ERCC5: variants seen among roughly 807,000 people sequenced by gnomAD.
The protein encoded by ERCC5 is ERCC excision repair 5, endonuclease, also known as DNA excision repair protein ERCC-5.
A neutral mutation model predicts 105.6 loss-of-function variants in ERCC5; 68 were observed. That is an observed-to-expected ratio of 0.64 (90% confidence interval 0.53 to 0.79). The LOEUF (loss-of-function observed/expected upper bound fraction) is 0.79, where lower values mean the gene tolerates loss of function less well. Ranked by LOEUF, ERCC5 falls within the 30% of genes least tolerant of loss-of-function variation. The pLI, the probability that ERCC5 is intolerant of heterozygous loss-of-function variation, is 0.00. For missense variants in ERCC5, 1,373 were observed against 1,426.7 expected, an observed-to-expected ratio of 0.96 and a Z score of 0.61; for synonymous variants, 546 against 526.2, an observed-to-expected ratio of 1.04 and a Z score of -0.51.
Position 102,865,497 on chromosome 13 carries a change from T to C in ERCC5, c.1955-170T>C, listed in dbSNP as rs1262203929. 3.2e-6 allele frequency: 3 copies of C among 928,840 alleles called. No individual in the cohort carries two copies. In the African/African-American group the frequency reaches 5.0e-5, roughly 15 times the overall value. 57.5% of individuals were successfully genotyped at this position (928,840 alleles called of 1,614,324 possible). A position where few individuals can be genotyped will look rare whatever the true frequency, so the allele number is the denominator to read the frequency against. ...CTTGTTTTGAAGTTACAGGCATTTG[T>C]GATTACATTTATTTATTAATAACGC... On this transcript the variant is annotated intron_variant, in intron 8 of 14. Transcript: ENST00000652225. This position sits in a 1 kb window ranked among gnomAD's most constrained non-coding sequence, Gnocchi z 4.0.
In ERCC5 at chr13:102,863,051, T is replaced by C. The variant is rs1875006098; in HGVS notation, c.1902T>C (p.Ile634=). ...TESAGQDLIS[I]PKAVEPMEID... is the part of the protein sequence containing the mutation. ...CTGCAGGCCAGGATTTAATTTCCAT[T>C]CCAAAGGCCGTGGAACCAATGGAAA... is the stretch of plus-strand genomic sequence containing the variant. The change falls in exon 8 of 15, where the codon ATT becomes ATC. Residue 634 remains isoleucine, a synonymous_variant. Transcript: ENST00000652225. 8.1e-6 allele frequency: 13 copies of C among 1,614,162 alleles called. No individual in the cohort carries two copies. Among genetic ancestry groups the C allele is most frequent in the Non-Finnish European group, 1.1e-5 (13 of 1,180,030 alleles).
In ERCC5 at chr13:102,863,066, A is replaced by G. The variant is rs765554006; in HGVS notation, c.1917A>G (p.Glu639=). 1.5e-5 allele frequency: 24 copies of G among 1,614,118 alleles called. No homozygotes were observed. The Admixed American group carries it at 4.0e-4, about 27-fold the overall frequency. ...QDLISIPKAV[E]PMEIDSEESE... is the part of the protein sequence containing the mutation. Reference sequence around the variant, plus strand: ...TAATTTCCATTCCAAAGGCCGTGGAACCAATGGAAATTGACTCGGAAGAAA... The same window carrying G: ...TAATTTCCATTCCAAAGGCCGTGGAGCCAATGGAAATTGACTCGGAAGAAA... The change falls in exon 8 of 15, where the codon GAA becomes GAG. Residue 639 remains glutamate, a synonymous_variant. Transcript: ENST00000652225.
chr13:102,846,460 G>T, intron 1 of ERCC5, 106 bp downstream of exon 1: 1 of 917,560 alleles, frequency 1.1e-6, no homozygotes, highest in Non-Finnish European at 1.8e-6. Context: ...ATGGTCTTGG[G>T]TCGGGGTCGG....
intron 5 of ERCC5, among the ~76,000 whole-genome samples, chr13:102,856,398 A>G (rs1203222661): frequency 2.6e-5 from 4 of 152,230 alleles, no homozygotes; most frequent in African/African-American, 4.8e-5. Context: ...ATGTGCTTAC[A>G]TAGAAAATAT....
intron 9 of ERCC5, 158 bp from the exon 10 acceptor site, chr13:102,866,104 C>G (rs2140531726): frequency 6.9e-7 from 1 of 1,451,062 alleles, no homozygotes; most frequent in East Asian, 2.3e-5. Context: ...TGATGAATCT[C>G]TAAAGATATT....
intron 1 of ERCC5, among the ~76,000 whole-genome samples, chr13:102,851,277 C>T (rs1566463862): frequency 6.6e-6 from 1 of 152,060 alleles, no homozygotes; most frequent in East Asian, 1.9e-4. Context: ...TTTGGTATTC[C>T]AGCAAATAGG....
chr13:102,875,547 AG>A lies in ERCC5; in HGVS notation c.3206del (p.Ser1069ThrfsTer2), dbSNP rs780473893. The A allele has an allele frequency of 6.2e-7, 1 of 1,613,166 alleles. No individual in the cohort carries two copies. The highest frequency in any genetic ancestry group is 8.5e-7 in the Non-Finnish European group (1 of 1,179,700). On this transcript the variant is annotated frameshift_variant, in exon 15 of 15. Coordinates refer to ENST00000652225, the MANE Select transcript of ERCC5 (RefSeq NM_000123.4). LOFTEE classifies it low-confidence loss of function (END_TRUNC). The stretch of plus-strand genomic sequence containing the variant: ...AACAAATACCTTAGAAGAGTCATCA[AG>A]CCTGAAAAGAAAGAGGCTTTCAGAT... ...GITNTLEESS[S>X]LKRKRLSDSK... is the part of the protein sequence containing the mutation.
At position 102,862,046 on chromosome 13, in the gene ERCC5, A is replaced by T. The variant is rs996482792; in HGVS notation, c.897A>T (p.Thr299=). Residue 299 remains threonine, a synonymous_variant, in exon 8 of 15, where the codon ACA becomes ACT. Coordinates refer to ENST00000652225, the MANE Select transcript of ERCC5 (RefSeq NM_000123.4). ...CTTCTTAAGGTATTCAAGCTAAGAC[A>T]GTTGCAGAAGTGGATTCAGAGTCTC... The part of the protein sequence containing the change: ...YILIKGIQAK[T]VAEVDSESLP... 6.2e-7 allele frequency: 1 copy of T among 1,614,260 alleles called. No homozygotes were observed. The highest frequency in any genetic ancestry group is 1.3e-5 in the African/African-American group (1 of 75,066).
Position 102,875,662 on chromosome 13 carries a change from G to T in ERCC5, c.3320G>T (p.Ser1107Ile), listed in dbSNP as rs1314124196. 15 of 1,614,016 alleles carry T rather than the reference G, an allele frequency of 9.3e-6. No individual in the cohort carries two copies. Among genetic ancestry groups the T allele is most frequent in the Non-Finnish European group, 1.2e-5 (14 of 1,180,004 alleles). Residue 1107 changes from serine to isoleucine, a missense_variant, in exon 15 of 15, where the codon AGT (serine) becomes ATT (isoleucine). Physicochemically the swap from Ser to Ile is moderately radical, Grantham distance 142. Coordinates refer to ENST00000652225, the MANE Select transcript of ERCC5 (RefSeq NM_000123.4). ...GGATCTTCAAGTGAAGATGCTGAAA[G>T]TTCATCTTTAATGAATGTACAAAGG... is the stretch of plus-strand genomic sequence containing the variant. ...SDGSSSEDAE[S>I]SSLMNVQRRT...
At chr13:102,866,500 C>G in intron 10 of ERCC5, 119 bp downstream of exon 10, 1 of 1,602,326 alleles carries the variant, frequency 6.2e-7, no homozygotes, top group Non-Finnish European at 8.5e-7. Flanking sequence ...ATGCCGTTCC[C>G]TGGGGGTCAC....
chr13:102,849,039 T>A, intron 1 of ERCC5: 1 of 436,004 alleles, frequency 2.3e-6, no homozygotes. Context: ...ATTTCCTCAC[T>A]GAAGTTAAAG....
rs140656732 is a variant in ERCC5 at position 102,862,466 on chromosome 13, A to G, written c.1317A>G (p.Gly439=). The G allele has an allele frequency of 6.2e-7, 1 of 1,614,128 alleles. No homozygotes were observed. Among genetic ancestry groups the G allele is most frequent in the Non-Finnish European group, 8.5e-7 (1 of 1,180,032 alleles). Residue 439 remains glycine, a synonymous_variant, in exon 8 of 15, where the codon GGA becomes GGG. Transcript: ENST00000652225. ...DEGLKVRDGK[G]IPFTATLASS... ...GACTTAAAGTGAGAGATGGAAAAGG[A>G]ATACCGTTTACTGCAACACTTGCGT... is the stretch of plus-strand genomic sequence containing the variant.
chr13:102,864,072 T>C (rs1882744703), intron 8 of ERCC5, among the ~76,000 whole-genome samples: 1 of 150,862 alleles, frequency 6.6e-6, no homozygotes, highest in Non-Finnish European at 1.5e-5. Flanking sequence ...TATTGGCTAA[T>C]TTAGTGTTCA....
chr13:102,871,070 C>T (rs1239744153), intron 12 of ERCC5, among the ~76,000 whole-genome samples: 1 of 152,220 alleles, frequency 6.6e-6, no homozygotes, highest in Non-Finnish European at 1.5e-5. Flanking sequence ...GGTGTCTTGT[C>T]TCTGTTCCAT....
At chr13:102,875,216 G>A in intron 14 of ERCC5, 91 bp from the exon 15 acceptor site, 2 of 1,391,174 alleles carry the variant, frequency 1.4e-6, no homozygotes, top group South Asian at 1.2e-5. Context: ...GTAATCCAAT[G>A]TGAGTGATCA....
chr13:102,849,104 C>T (rs1211274153), intron 1 of ERCC5: 1 of 518,244 alleles, frequency 1.9e-6, no homozygotes, highest in South Asian at 1.4e-5. Flanking sequence ...TAGTGAGCTT[C>T]ATGGCTTTTC....
At chr13:102,863,203 A>G in intron 8 of ERCC5, 100 bp downstream of exon 8, 1 of 1,332,816 alleles carries the variant, frequency 7.5e-7, no homozygotes, top group Non-Finnish European at 1.0e-6. Context: ...CTTTTTACAG[A>G]TAAGGAACGA....
intron 2 of ERCC5, among the ~76,000 whole-genome samples, chr13:102,852,782 G>A (rs1882256103): frequency 6.6e-6 from 1 of 152,180 alleles, no homozygotes; most frequent in Non-Finnish European, 1.5e-5. Context: ...AATTGACCAT[G>A]ATATAGAAGA....
At chr13:102,854,040 C>A in intron 3 of ERCC5, 168 bp downstream of exon 3, 2 of 754,992 alleles carry the variant, frequency 2.6e-6, no homozygotes, top group Non-Finnish European at 2.2e-6. Context: ...GGAGTTGTGG[C>A]AATTCTCCGT....
Sources: gnomAD v4.1 joint callset for allele counts (sites outside exome capture counted in the v4.1 genomes callset) on GRCh38, gnomAD v4.1.1 for gene constraint, Gnocchi (gnomAD v3.1) non-coding constraint, MANE v1.5 for transcripts, NCBI Gene and HGNC (gene_info 2026-07-23, HGNC 2026-07-21) for gene names.